Variants in CPLANE1 observed in about 807,000 individuals in gnomAD.
CPLANE1 encodes the protein ciliogenesis and planar polarity effector complex subunit 1.
CPLANE1 carries 263 observed loss-of-function variants against 362.5 expected under a neutral mutation model. That is an observed-to-expected ratio of 0.73 (90% CI 0.66 to 0.80). The LOEUF is 0.80. CPLANE1 is among the 30% of genes least tolerant of loss of function. The pLI, the probability that CPLANE1 is intolerant of heterozygous loss-of-function variation, is 0.00. For missense variants in CPLANE1, 3,461 were observed against 3,793.4 expected (o/e 0.91, Z 2.30); for synonymous variants, 1,212 against 1,302.6 (o/e 0.93, Z 1.50).
intron 41 of CPLANE1, 44 bp downstream of exon 41, chr5:37,157,269 C>A (rs772131588): frequency 8.5e-7 from 1 of 1,175,330 alleles, no homozygotes; most frequent in Non-Finnish European, 1.2e-6. Context: ...TCCAATACAA[C>A]AGTAATTCAG....
the CPLANE1 span, among the ~76,000 whole-genome samples, chr5:37,098,266 C>T: frequency 5.3e-5 from 8 of 151,834 alleles, no homozygotes; most frequent in Admixed American, 5.2e-4. Context: ...GTGGCAGGCA[C>T]CTGTAATCCC....
intron 49 of CPLANE1, among the ~76,000 whole-genome samples, chr5:37,121,281 G>T (rs1762549694): frequency 6.6e-6 from 1 of 152,022 alleles, no homozygotes; most frequent in Admixed American, 6.5e-5. Flanking sequence ...ATGACACATG[G>T]GAAAATAGGA....
chr5:37,169,985 G>A lies in CPLANE1; in HGVS notation c.6462+56C>T, dbSNP rs1221804746. The A allele has an allele frequency of 7.8e-6, 12 of 1,547,488 alleles. No individual in the cohort carries two copies. The Admixed American group carries it at 2.1e-4, about 27-fold the overall frequency. On this transcript the variant is annotated intron_variant, in intron 33 of 52. Coordinates refer to ENST00000651892, the MANE Select transcript of CPLANE1 (RefSeq NM_001384732.1). Reference sequence around the variant, plus strand: ...CAGGTGTGGCCTGCCAAAGTGCTGGGATTACAGACATGAGCCACCGCGCCC... The same window carrying A: ...CAGGTGTGGCCTGCCAAAGTGCTGGAATTACAGACATGAGCCACCGCGCCC...
In CPLANE1 at chr5:37,224,657, C is replaced by T. The variant is rs1164163422; in HGVS notation, c.2375G>A (p.Ser792Asn). 5.2e-6 allele frequency: 8 copies of T among 1,551,348 alleles called. No individual in the cohort carries two copies. The highest frequency in any genetic ancestry group is 6.1e-6 in the Non-Finnish European group (7 of 1,146,772). ...ATGTGTCATCTTTTCAGTTAACTGA[C>T]TATCAGCTTCAGGAACTCTTCGATT... ...QLNRRVPEAD[S>N]QLTEKMTHEA... The change falls in exon 13 of 53, where the codon AGT becomes AAT. Residue 792 changes from serine (S) to asparagine (N), a missense_variant. By Grantham distance (46) the Ser-to-Asn change is conservative. This residue lies in a region of CPLANE1 where 3,380 missense variants were observed against 3,666.1 expected (regional missense o/e 0.92). Transcript: ENST00000651892.
At chr5:37,138,488 T>TA (rs759184837) in intron 46 of CPLANE1, 1 of 644,310 alleles carries the variant, frequency 1.6e-6, no homozygotes, top group Admixed American at 1.9e-5. Context: ...CAGGATTAAA[T>TA]GTATGTTGTA....
At chr5:37,227,863 T>C (rs773055204) in intron 9 of CPLANE1, 46 bp from the exon 10 acceptor site, 103 of 1,479,308 alleles carry the variant, frequency 7.0e-5, no homozygotes, top group Middle Eastern at 3.6e-4. Context: ...GAGAAAGATC[T>C]TACGGAAAAC....
intron 46 of CPLANE1, among the ~76,000 whole-genome samples, chr5:37,132,567 C>T (rs1766248129): frequency 6.6e-6 from 1 of 152,072 alleles, no homozygotes; most frequent in African/African-American, 2.4e-5. Flanking sequence ...AGGATGGTCT[C>T]AATCTCCTGA....
At chr5:37,211,703 G>GCACA in intron 16 of CPLANE1, 1 of 781,116 alleles carries the variant, frequency 1.3e-6, no homozygotes, top group African/African-American at 1.7e-5. Flanking sequence ...CTGAGTCTAG[G>GCACA]CACAACCTCT....
chr5:37,162,348 G>A (rs1203242632), intron 38 of CPLANE1, 117 bp downstream of exon 38: 4 of 645,560 alleles, frequency 6.2e-6, no homozygotes, highest in Non-Finnish European at 1.1e-5. Flanking sequence ...TCTAGGCAGA[G>A]TAAATAATAT....
the CPLANE1 span, chr5:37,085,935 C>T: frequency 1.5e-6 from 1 of 656,436 alleles, no homozygotes; most frequent in South Asian, 1.9e-5. Context: ...AAAAAAGCAA[C>T]AGCAGTTTAA....
At chr5:37,168,767 C>T (rs1168671852) in intron 34 of CPLANE1, 24 bp downstream of exon 34, 1 of 1,584,276 alleles carries the variant, frequency 6.3e-7, no homozygotes, top group Non-Finnish European at 8.6e-7. Flanking sequence ...ACTGCTTTTG[C>T]ATTACCATAC....
At chr5:37,221,646 G>A (rs943216873) in intron 14 of CPLANE1, among the ~76,000 whole-genome samples, 158 bp from the exon 15 acceptor site, 2 of 152,006 alleles carry the variant, frequency 1.3e-5, no homozygotes, top group Non-Finnish European at 2.9e-5. Context: ...TTCAATAAAT[G>A]ATTTTTTTCA....
chr5:37,198,580 C>T (rs1788238172), intron 20 of CPLANE1, 122 bp downstream of exon 20: 8 of 938,704 alleles, frequency 8.5e-6, no homozygotes, highest in Non-Finnish European at 1.2e-5. Flanking sequence ...ATGAATAAAT[C>T]TGAAATTTGT....
At chr5:37,238,638 G>C (rs1799593676) in intron 8 of CPLANE1, among the ~76,000 whole-genome samples, 1 of 151,336 alleles carries the variant, frequency 6.6e-6, no homozygotes, top group Non-Finnish European at 1.5e-5. Context: ...TGGGACTACA[G>C]GTGTCCACCA....
intron 6 of CPLANE1, among the ~76,000 whole-genome samples, chr5:37,242,080 G>T (rs1800657268): frequency 6.6e-6 from 1 of 152,158 alleles, no homozygotes; most frequent in African/African-American, 2.4e-5. Flanking sequence ...TTTCGGCTGG[G>T]TGAGGTGGCT....
intron 24 of CPLANE1, 109 bp downstream of exon 24, chr5:37,186,177 G>T: frequency 1.7e-6 from 1 of 598,754 alleles, no homozygotes; most frequent in Admixed American, 2.7e-5. Context: ...TCTCAAGGAA[G>T]AGGCAAAAAT....
At chr5:37,238,487 CTTTTTTTTTTT>C (rs869153501) in intron 8 of CPLANE1, among the ~76,000 whole-genome samples, 2 of 80,678 alleles carry the variant, frequency 2.5e-5, no homozygotes, top group African/African-American at 1.1e-4. Flanking sequence ...CCAGCCTTTT[CTTTTTTTTTTT>C]TTTTTTTTTT....
At chr5:37,180,797 C>T in intron 27 of CPLANE1, 60 bp downstream of exon 27, 1 of 1,524,108 alleles carries the variant, frequency 6.6e-7, no homozygotes, top group Non-Finnish European at 9.1e-7. Flanking sequence ...TCCCTTTAAG[C>T]CCAAATGCCA....
At chr5:37,245,653 C>T (rs1581065754) in intron 3 of CPLANE1, 55 bp from the exon 4 acceptor site, 2 of 1,482,306 alleles carry the variant, frequency 1.3e-6, no homozygotes, top group African/African-American at 2.9e-5. Flanking sequence ...TTTAACATCA[C>T]CCTAAGTTAT....
Sources: gnomAD v4.1 joint callset for allele counts (sites outside exome capture counted in the v4.1 genomes callset) on GRCh38, gnomAD v4.1.1 for gene constraint, gnomAD v4.1.1 regional missense constraint, MANE v1.5 for transcripts, NCBI Gene and HGNC (gene_info 2026-07-23, HGNC 2026-07-21) for gene names.